The following PPARG variants were observed in gnomAD, a reference collection of about 807,000 sequenced individuals.
PPARG encodes the protein peroxisome proliferator activated receptor gamma.
A neutral mutation model predicts 39.2 loss-of-function variants in PPARG; 17 were observed. That is an observed-to-expected ratio of 0.43 (90% confidence interval 0.30 to 0.65). The LOEUF (loss-of-function observed/expected upper bound fraction) is 0.65. PPARG is among the 30% of genes least tolerant of loss of function. The pLI is 0.13. For missense variants in PPARG, 406 were observed against 585.9 expected (o/e 0.69, Z 3.17); for synonymous variants, 223 against 215.7 (o/e 1.03, Z -0.30).
chr3:12,302,259 A>C (rs1480069294), intron 1 of PPARG, among the ~76,000 whole-genome samples: 1 of 152,206 alleles, frequency 6.6e-6, no homozygotes, highest in Admixed American at 6.5e-5. Flanking sequence ...AGAAGAAACA[A>C]GAAGGGAATT....
intron 2 of PPARG, among the ~76,000 whole-genome samples, chr3:12,343,602 C>A (rs1433450652): frequency 2.0e-5 from 3 of 152,132 alleles, no homozygotes; most frequent in Non-Finnish European, 4.4e-5. Context: ...TAGTAATGGT[C>A]ATGATTGTTT....
chr3:12,339,684 G>A (rs1299300527), intron 2 of PPARG, among the ~76,000 whole-genome samples: 1 of 152,130 alleles, frequency 6.6e-6, no homozygotes, highest in East Asian at 1.9e-4. Context: ...CAAGGCCTGG[G>A]CAAGTCACTT....
At chr3:12,322,274 C>T (rs1574986894) in intron 2 of PPARG, among the ~76,000 whole-genome samples, 1 of 152,276 alleles carries the variant, frequency 6.6e-6, no homozygotes, top group East Asian at 1.9e-4. Context: ...ACATGAAAGA[C>T]TAGACTAGTT....
chr3:12,332,511 T>C (rs192005998), intron 2 of PPARG, among the ~76,000 whole-genome samples: 2 of 152,222 alleles, frequency 1.3e-5, no homozygotes, highest in Admixed American at 1.3e-4. Flanking sequence ...TTTCAGTGTG[T>C]TAAGGGTTTT....
chr3:12,308,875 G>A (rs189684083), intron 1 of PPARG, among the ~76,000 whole-genome samples: 4 of 152,254 alleles, frequency 2.6e-5, no homozygotes, highest in African/African-American at 9.6e-5. Flanking sequence ...CAGTAGAAAG[G>A]TAGGTGACAA....
chr3:12,333,487 C>T (rs1412978227), intron 2 of PPARG, among the ~76,000 whole-genome samples: 1 of 152,128 alleles, frequency 6.6e-6, no homozygotes, highest in Non-Finnish European at 1.5e-5. Context: ...CGTTTTGAGA[C>T]AGAGTCTCAC....
chr3:12,313,050 AG>A (rs139748870), intron 2 of PPARG, among the ~76,000 whole-genome samples: 1 of 152,284 alleles, frequency 6.6e-6, no homozygotes, highest in East Asian at 1.9e-4. Context: ...GCCTAACTAT[AG>A]GGTTCCAAGA....
intron 2 of PPARG, among the ~76,000 whole-genome samples, chr3:12,319,796 T>C (rs4684101): frequency 0.25 from 38,218 of 151,926 alleles, 4,909 homozygotes; most frequent in East Asian, 0.33. Flanking sequence ...GTCTTTCCTC[T>C]TCTGTTCTTT....
chr3:12,360,838 G>A (rs922656616), intron 2 of PPARG, among the ~76,000 whole-genome samples: 1 of 152,092 alleles, frequency 6.6e-6, no homozygotes, highest in African/African-American at 2.4e-5. Flanking sequence ...TACTGTTGAT[G>A]GGCATTCAGA....
chr3:12,434,281 C>T lies in PPARG; in HGVS notation c.*136C>T. ...GTTTTAGAATATGATCTATTTTATG[C>T]ATATTGTTTATAAAGACACATTTAC... On this transcript the variant is annotated 3_prime_UTR_variant, in exon 8 of 8. Transcript: ENST00000651735. The surrounding 1 kb of genome is among the most constrained non-coding windows in gnomAD (Gnocchi z 4.2). The T allele has an allele frequency of 8.9e-7, 1 of 1,129,180 alleles. No homozygotes were observed. The highest frequency in any genetic ancestry group is 1.4e-5 in the South Asian group (1 of 71,818). 69.9% of individuals were successfully genotyped at this position (1,129,180 alleles called of 1,614,324 possible). A position where few individuals can be genotyped will look rare whatever the true frequency, so the allele number is the denominator to read the frequency against.
intron 6 of PPARG, among the ~76,000 whole-genome samples, chr3:12,409,327 A>G (rs1245259534): frequency 6.6e-6 from 1 of 152,140 alleles, no homozygotes; most frequent in Non-Finnish European, 1.5e-5. Context: ...AAACTAAACT[A>G]CAATTGTTTG....
chr3:12,331,253 A>G (rs936320557), intron 2 of PPARG, among the ~76,000 whole-genome samples: 2 of 152,082 alleles, frequency 1.3e-5, no homozygotes, highest in African/African-American at 4.8e-5. Context: ...GTAGAATGAG[A>G]GCAGTTGCAT....
At chr3:12,302,690 G>A (rs1034955125) in intron 1 of PPARG, among the ~76,000 whole-genome samples, 2 of 152,200 alleles carry the variant, frequency 1.3e-5, no homozygotes, top group African/African-American at 2.4e-5. Flanking sequence ...GAGAAACATG[G>A]TTGGAAGTGT....
intron 2 of PPARG, among the ~76,000 whole-genome samples, chr3:12,369,354 T>G (rs1310998733): frequency 6.6e-6 from 1 of 152,002 alleles, no homozygotes; most frequent in Non-Finnish European, 1.5e-5. Flanking sequence ...TAGCCAGCAG[T>G]GGTGGTGCAT....
chr3:12,330,450 G>A (rs2047826007), intron 2 of PPARG, among the ~76,000 whole-genome samples: 2 of 151,944 alleles, frequency 1.3e-5, no homozygotes, highest in Admixed American at 1.3e-4. Context: ...GGAGAAATGT[G>A]TATTCAAGAC....
At chr3:12,319,431 C>T (rs2047477591) in intron 2 of PPARG, among the ~76,000 whole-genome samples, 1 of 152,054 alleles carries the variant, frequency 6.6e-6, no homozygotes, top group Non-Finnish European at 1.5e-5. Context: ...CAGATAGCGT[C>T]GTAAAATTGA....
intron 1 of PPARG, among the ~76,000 whole-genome samples, chr3:12,311,356 A>G (rs2047238993): frequency 6.6e-6 from 1 of 152,150 alleles, no homozygotes; most frequent in South Asian, 2.1e-4. Flanking sequence ...CGCCTGCCTC[A>G]GCCTTCCAAA....
chr3:12,394,560 G>T (rs1294628872), intron 5 of PPARG, among the ~76,000 whole-genome samples: 1 of 152,114 alleles, frequency 6.6e-6, no homozygotes, highest in Non-Finnish European at 1.5e-5. Flanking sequence ...TCTTGATAGG[G>T]AGTGTTTGTT....
intron 2 of PPARG, among the ~76,000 whole-genome samples, chr3:12,323,623 T>G (rs2047607804): frequency 6.6e-6 from 1 of 152,196 alleles, no homozygotes; most frequent in Non-Finnish European, 1.5e-5. Flanking sequence ...TTATTGTGGT[T>G]AAATAACTTG....
Sources: gnomAD v4.1 joint callset for allele counts (sites outside exome capture counted in the v4.1 genomes callset) on GRCh38, gnomAD v4.1.1 for gene constraint, Gnocchi (gnomAD v3.1) non-coding constraint, MANE v1.5 for transcripts, NCBI Gene and HGNC (gene_info 2026-07-23, HGNC 2026-07-21) for gene names.